Variants in ZCWPW2 observed in about 807,000 individuals in gnomAD.
The protein encoded by ZCWPW2 is zinc finger CW-type PWWP domain protein 2.
In ZCWPW2, 45 loss-of-function variants were observed where a neutral mutation model predicts 46.6. The observed-to-expected ratio is 0.96, with a 90% CI of 0.76 to 1.24. The LOEUF (loss-of-function observed/expected upper bound fraction) is 1.24. ZCWPW2 is among the 50% of genes most tolerant of loss of function. The pLI, the probability that ZCWPW2 is intolerant of heterozygous loss-of-function variation, is 0.00. For synonymous variants in ZCWPW2, 152 were observed against 137.1 expected, an observed-to-expected ratio of 1.11 and a Z score of -0.76; for missense variants, 429 against 403.9, an observed-to-expected ratio of 1.06 and a Z score of -0.53.
intron 3 of ZCWPW2, among the ~76,000 whole-genome samples, chr3:28,421,875 TG>T (rs1269759859): frequency 6.6e-6 from 1 of 151,112 alleles, no homozygotes; most frequent in Non-Finnish European, 1.5e-5. Flanking sequence ...TGTGTGTGTG[TG>T]TTTAGCTTCT....
chr3:28,515,758 T>C (rs1700549123), intron 8 of ZCWPW2, 137 bp downstream of exon 8: 3 of 612,778 alleles, frequency 4.9e-6, no homozygotes, highest in South Asian at 2.6e-5. Context: ...TACACATATA[T>C]ACATGTGCGT....
chr3:28,388,765 A>T (rs1575077649), intron 1 of ZCWPW2, among the ~76,000 whole-genome samples: 1 of 152,102 alleles, frequency 6.6e-6, no homozygotes, highest in Non-Finnish European at 1.5e-5. Flanking sequence ...TTTTCTTTGC[A>T]CCTTCAGCCA....
chr3:28,522,436 C>T (rs1039725801), intron 9 of ZCWPW2, among the ~76,000 whole-genome samples: 2 of 152,068 alleles, frequency 1.3e-5, no homozygotes, highest in Admixed American at 6.6e-5. Context: ...CTGCCTATCT[C>T]GAAGTCTGTC....
At chr3:28,518,303 G>C (rs1052788272) in intron 8 of ZCWPW2, among the ~76,000 whole-genome samples, 7 of 150,266 alleles carry the variant, frequency 4.7e-5, no homozygotes, top group African/African-American at 1.7e-4. Flanking sequence ...GAAACTACAA[G>C]ATAATCAGTG....
chr3:28,433,130 C>G (rs1697338145), intron 3 of ZCWPW2, among the ~76,000 whole-genome samples: 1 of 152,044 alleles, frequency 6.6e-6, no homozygotes, highest in Admixed American at 6.6e-5. Flanking sequence ...CACACATACT[C>G]CCTACACTAT....
At chr3:28,359,210 A>G (rs900045775) in intron 1 of ZCWPW2, among the ~76,000 whole-genome samples, 1 of 152,130 alleles carries the variant, frequency 6.6e-6, no homozygotes, top group East Asian at 1.9e-4. Flanking sequence ...TAAATTCAGG[A>G]TTTATTAGTA....
chr3:28,435,744 C>T (rs1336275681), intron 4 of ZCWPW2, among the ~76,000 whole-genome samples: 3 of 152,012 alleles, frequency 2.0e-5, no homozygotes, highest in African/African-American at 2.4e-5. Flanking sequence ...CCCCGGCCTC[C>T]GAAAGTGCTG....
At chr3:28,370,368 A>G (rs1258192645) in intron 1 of ZCWPW2, among the ~76,000 whole-genome samples, 2 of 152,236 alleles carry the variant, frequency 1.3e-5, no homozygotes, top group Non-Finnish European at 2.9e-5. Flanking sequence ...CAGTTTTAGA[A>G]TAGATAAATA....
intron 3 of ZCWPW2, among the ~76,000 whole-genome samples, chr3:28,431,409 A>G (rs1697253911): frequency 1.3e-5 from 2 of 151,750 alleles, no homozygotes; most frequent in African/African-American, 4.8e-5. Flanking sequence ...TTTTTTTTTT[A>G]AGACCCTCTT....
At chr3:28,384,280 C>G (rs1018317716) in intron 1 of ZCWPW2, among the ~76,000 whole-genome samples, 1 of 152,130 alleles carries the variant, frequency 6.6e-6, no homozygotes, top group African/African-American at 2.4e-5. Context: ...TTAGAAATCA[C>G]AAATCTGTTT....
intron 1 of ZCWPW2, among the ~76,000 whole-genome samples, chr3:28,360,290 G>A: frequency 7.2e-6 from 1 of 139,620 alleles, no homozygotes; most frequent in East Asian, 2.2e-4. Context: ...TGGATCACGA[G>A]ATCAGAAGAT....
chr3:28,364,961 G>C (rs188184685), intron 1 of ZCWPW2, among the ~76,000 whole-genome samples: 13 of 151,570 alleles, frequency 8.6e-5, no homozygotes, highest in African/African-American at 3.1e-4. Context: ...TGAAGTGTCT[G>C]TTCATATCCT....
At chr3:28,509,500 A>G (rs993566189) in intron 6 of ZCWPW2, among the ~76,000 whole-genome samples, 3 of 152,072 alleles carry the variant, frequency 2.0e-5, no homozygotes, top group African/African-American at 7.2e-5. Flanking sequence ...GTCATTGTCT[A>G]TTTTTTAAAA....
chr3:28,512,318 C>G (rs1700449093), intron 6 of ZCWPW2, among the ~76,000 whole-genome samples: 1 of 152,048 alleles, frequency 6.6e-6, no homozygotes. Context: ...GCTGGAATTA[C>G]AGGTGTGCAC....
At chr3:28,469,042 A>T (rs1325671503) in intron 4 of ZCWPW2, among the ~76,000 whole-genome samples, 4 of 152,214 alleles carry the variant, frequency 2.6e-5, no homozygotes, top group Admixed American at 2.6e-4. Flanking sequence ...AATAAGATAT[A>T]AATAGAAACA....
At chr3:28,374,556 G>C (rs548268044) in intron 1 of ZCWPW2, among the ~76,000 whole-genome samples, 2 of 152,190 alleles carry the variant, frequency 1.3e-5, no homozygotes, top group East Asian at 3.9e-4. Context: ...TTTGTAGGTT[G>C]CTTTGGGTAG....
intron 3 of ZCWPW2, among the ~76,000 whole-genome samples, chr3:28,426,045 G>C (rs1233607072): frequency 1.3e-5 from 2 of 151,960 alleles, no homozygotes; most frequent in African/African-American, 4.8e-5. Context: ...GGAGGCAGAG[G>C]TTGCAGTGAG....
chr3:28,446,183 G>A (rs935504955), intron 4 of ZCWPW2, among the ~76,000 whole-genome samples: 1 of 151,932 alleles, frequency 6.6e-6, no homozygotes, highest in Non-Finnish European at 1.5e-5. Context: ...GATTTAACAG[G>A]CATGTACAAA....
chr3:28,443,581 C>T (rs1038890539), intron 4 of ZCWPW2, among the ~76,000 whole-genome samples: 1 of 152,208 alleles, frequency 6.6e-6, no homozygotes, highest in Non-Finnish European at 1.5e-5. Flanking sequence ...CAGAGCTCTA[C>T]ACAAGTCAGA....
Sources: gnomAD v4.1 joint callset for allele counts (sites outside exome capture counted in the v4.1 genomes callset) on GRCh38, gnomAD v4.1.1 for gene constraint, MANE v1.5 for transcripts, NCBI Gene and HGNC (gene_info 2026-07-23, HGNC 2026-07-21) for gene names.